Variants in DUS2 observed in about 807,000 individuals in gnomAD.
The protein encoded by DUS2 is tRNA-dihydrouridine(20) synthase [NAD(P)+]-like.
In DUS2, 52 loss-of-function variants were observed where a neutral mutation model predicts 71.3. The ratio of observed to expected loss-of-function variants is 0.73; its 90% CI spans 0.58 to 0.92. The LOEUF (loss-of-function observed/expected upper bound fraction) is 0.92. Ranked by LOEUF, DUS2 falls within the 40% of genes least tolerant of loss-of-function variation. The probability of loss-of-function intolerance (pLI) is 0.00; values close to 1 mark genes in which losing one functional copy is unlikely to be tolerated. For synonymous variants in DUS2, 204 were observed against 227.8 expected, an observed-to-expected ratio of 0.90 and a Z score of 0.94; for missense variants, 558 against 622.6, an observed-to-expected ratio of 0.90 and a Z score of 1.10.
chr16:68,054,108 A>T (rs2033817471), intron 5 of DUS2: 1 of 194,910 alleles, frequency 5.1e-6, no homozygotes, highest in African/African-American at 2.3e-5. Flanking sequence ...GTGCTTTTTC[A>T]GAAACATCCT....
At chr16:68,025,381 G>A (rs2033333508) in intron 1 of DUS2, 34 bp from the exon 2 acceptor site, 1 of 151,466 alleles carries the variant, frequency 6.6e-6, no homozygotes, top group Admixed American at 6.6e-5. Context: ...GTCCCAACAG[G>A]TTTCATCCAT....
chr16:68,070,521 C>A (rs1385129167), intron 11 of DUS2, among the ~76,000 whole-genome samples: 1 of 152,076 alleles, frequency 6.6e-6, no homozygotes, highest in Admixed American at 6.5e-5. Context: ...CTCCTTCCTT[C>A]CTCTTGTCAT....
chr16:68,071,111 A>T lies in DUS2; in HGVS notation c.810+3A>T, dbSNP rs2151425407. The T allele has an allele frequency of 6.2e-7, 1 of 1,613,454 alleles. No homozygotes were observed. ...TCATGCAGAAATACATCAGATACGT[A>T]CGTCTCTGTACTTTTTCAAAACAAG... On this transcript the variant is annotated splice_donor_region_variant and intron_variant, in intron 12 of 16. Transcript: ENST00000565263.
intron 10 of DUS2, among the ~76,000 whole-genome samples, chr16:68,067,974 C>G (rs2034033243): frequency 6.6e-6 from 1 of 152,166 alleles, no homozygotes; most frequent in South Asian, 2.1e-4. Flanking sequence ...CTTTTAAAGG[C>G]TCTGCCTCTC....
Position 68,078,995 on chromosome 16 carries a change from C to G in DUS2, c.*9C>G. 6.5e-7 allele frequency: 1 copy of G among 1,544,632 alleles called. No individual in the cohort carries two copies. The highest frequency in any genetic ancestry group is 8.8e-7 in the Non-Finnish European group (1 of 1,142,520). ...CCCTGGAAGGCTGGTGACTACTCTT[C>G]CTGCCTTAGTCACCCCTCCATGGGC... is the stretch of plus-strand genomic sequence containing the variant. On this transcript the variant is annotated 3_prime_UTR_variant, in exon 17 of 17. Coordinates refer to ENST00000565263, the MANE Select transcript of DUS2 (RefSeq NM_017803.5).
Position 68,035,913 on chromosome 16 carries a change from TATATATATATATATATAC to T in DUS2, c.-18-2091_-18-2074del, listed in dbSNP as rs1359067365. ...ATATATATATATATATATATATATA[TATATATATATATATATAC>T]ACACATACATACACATATATATACA... On this transcript the variant is annotated intron_variant, in intron 2 of 16. Coordinates refer to ENST00000565263, the MANE Select transcript of DUS2 (RefSeq NM_017803.5). Among the ~76,000 whole-genome samples the T allele has an allele frequency of 1.4e-3, 91 of 65,758 alleles. 1 individual carries two copies. In the Middle Eastern group the frequency reaches 0.033, roughly 24 times the overall value. 43.1% of individuals were successfully genotyped at this position (65,758 alleles called of 152,430 possible).
chr16:68,037,958 A>G, intron 2 of DUS2, 48 bp from the exon 3 acceptor site: 2 of 1,585,642 alleles, frequency 1.3e-6, no homozygotes, highest in South Asian at 2.3e-5. Flanking sequence ...AACAGGAGAG[A>G]TTTTCTTCAT....
rs912252993 is a variant in DUS2 at position 68,057,118 on chromosome 16, A to G, written c.369+694A>G. 1.3e-4 allele frequency among the ~76,000 whole-genome samples: 18 copies of G among 140,488 alleles called. 1 individual carries two copies. Among genetic ancestry groups the G allele is most frequent in the Non-Finnish European group, 3.0e-5 (2 of 65,626 alleles). The allele number at this position is 140,488 out of a possible 152,430, so 92.2% of individuals were successfully genotyped here. On this transcript the variant is annotated intron_variant, in intron 7 of 16. Coordinates refer to ENST00000565263, the MANE Select transcript of DUS2 (RefSeq NM_017803.5). ...TTATAGATTACATATATTATATATT[A>G]CATATATAAATATATAATAAATATA...
Position 68,038,038 on chromosome 16 carries a change from C to T in DUS2, c.15C>T (p.Ser5=), listed in dbSNP as rs200799318. MILN[S]LSLCYHNKLI... ...CAGAGGAGGAAATGATTTTGAATAG[C>T]CTCTCTCTGTGTTACCATAATAAGC... The change falls in exon 3 of 17, where the codon AGC becomes AGT. Residue 5 remains serine, a synonymous_variant. Coordinates refer to ENST00000565263, the MANE Select transcript of DUS2 (RefSeq NM_017803.5). 1.7e-5 allele frequency: 28 copies of T among 1,613,304 alleles called. No individual in the cohort carries two copies. Among genetic ancestry groups the T allele is most frequent in the African/African-American group, 2.7e-5 (2 of 74,784 alleles).
chr16:68,078,591 A>G, intron 16 of DUS2, 73 bp downstream of exon 16: 1 of 1,555,222 alleles, frequency 6.4e-7, no homozygotes, highest in South Asian at 1.1e-5. Flanking sequence ...CACATCCAGC[A>G]TTGTCCTAGG....
intron 7 of DUS2, among the ~76,000 whole-genome samples, chr16:68,057,191 ATATT>A (rs1185701491): frequency 7.0e-6 from 1 of 143,364 alleles, no homozygotes; most frequent in Non-Finnish European, 1.5e-5. Context: ...TAATAAATAT[ATATT>A]ACATATATAA....
chr16:68,069,288 G>T lies in DUS2; in HGVS notation c.555-846G>T, dbSNP rs190152980. Among the ~76,000 whole-genome samples, 155 of 152,274 alleles carry T rather than the reference G, an allele frequency of 1.0e-3. 1 individual carries two copies. Among genetic ancestry groups the T allele is most frequent in the Admixed American group, 2.8e-3 (43 of 15,304 alleles). On this transcript the variant is annotated intron_variant, in intron 10 of 16. Coordinates refer to ENST00000565263, the MANE Select transcript of DUS2 (RefSeq NM_017803.5). ...TGCCTGTAATCCCAGCTACCTGGGA[G>T]GCTGAGGTAGAATTGCCTGAACCCA...
At chr16:68,031,361 C>T (rs1161160433) in intron 2 of DUS2, among the ~76,000 whole-genome samples, 11 of 152,080 alleles carry the variant, frequency 7.2e-5, no homozygotes, top group Admixed American at 7.2e-4. Context: ...GACGGGGTTT[C>T]ACCATGTTGG....
chr16:68,051,235 C>T (rs556475310), intron 4 of DUS2, among the ~76,000 whole-genome samples: 1 of 152,232 alleles, frequency 6.6e-6, no homozygotes, highest in Non-Finnish European at 1.5e-5. Context: ...CATTATGCAC[C>T]GTTGTTGTTT....
At chr16:68,033,625 C>CA (rs1567469280) in intron 2 of DUS2, among the ~76,000 whole-genome samples, 1 of 146,426 alleles carries the variant, frequency 6.8e-6, no homozygotes, top group Admixed American at 6.9e-5. Context: ...GCTGAGACTA[C>CA]AGGTGCTAAT....
At chr16:68,073,936 A>C in intron 12 of DUS2, 98 bp from the exon 13 acceptor site, 1 of 1,498,950 alleles carries the variant, frequency 6.7e-7, no homozygotes, top group Non-Finnish European at 9.1e-7. Context: ...CTACACATAC[A>C]TCTCTGGTGC....
chr16:68,057,170 AAATAAATATAT>A (rs1042378305), intron 7 of DUS2, among the ~76,000 whole-genome samples: 2 of 142,630 alleles, frequency 1.4e-5, no homozygotes, highest in African/African-American at 5.1e-5. Flanking sequence ...GTAGTATATA[AAATAAATATAT>A]AATAAATATA....
intron 4 of DUS2, among the ~76,000 whole-genome samples, chr16:68,051,731 T>C (rs1567475569): frequency 6.6e-6 from 1 of 152,126 alleles, no homozygotes; most frequent in Non-Finnish European, 1.5e-5. Flanking sequence ...TATATACCAT[T>C]GATTCACTTA....
At chr16:68,049,370 T>A (rs2033746522) in intron 3 of DUS2, 135 bp from the exon 4 acceptor site, 1 of 806,500 alleles carries the variant, frequency 1.2e-6, no homozygotes, top group South Asian at 1.6e-5. Context: ...TAGCACTACA[T>A]GTCCCAAAAG....
Sources: allele counts gnomAD v4.1 joint callset (sites outside exome capture counted in the v4.1 genomes callset), GRCh38; gene constraint gnomAD v4.1.1; transcripts MANE v1.5; gene names NCBI Gene and HGNC (gene_info 2026-07-23, HGNC 2026-07-21).